Variants in LRP1B observed in about 807,000 individuals in gnomAD.
LRP1B encodes low-density lipoprotein receptor-related protein 1B.
A neutral mutation model predicts 556.6 loss-of-function variants in LRP1B; 217 were observed. The ratio of observed to expected loss-of-function variants is 0.39; its 90% CI spans 0.35 to 0.44. LRP1B has a LOEUF of 0.44. LRP1B is among the 20% of genes least tolerant of loss of function. LRP1B has a pLI of 1.00. For synonymous variants in LRP1B, 2,047 were observed against 1,865.8 expected, an observed-to-expected ratio of 1.10 and a Z score of -2.50; for missense variants, 5,053 against 5,620.8, an observed-to-expected ratio of 0.90 and a Z score of 3.23.
In LRP1B at chr2:142,055,699, T is replaced by C. The variant is rs1415073809; in HGVS notation, c.82+74949A>G. Among the ~76,000 whole-genome samples, 3 of 152,154 alleles carry C rather than the reference T, an allele frequency of 2.0e-5. No homozygotes were observed. In the East Asian group the frequency reaches 5.8e-4, roughly 29 times the overall value. ...GACCTTAGTGATATATTACTCACAA[T>C]GTCATCCACATGTCCTTGAAGCACT... is the stretch of plus-strand genomic sequence containing the variant. On this transcript the variant is annotated intron_variant, in intron 1 of 90. Coordinates refer to ENST00000389484, the MANE Select transcript of LRP1B (RefSeq NM_018557.3).
chr2:140,955,540 G>A (rs1306276137), intron 18 of LRP1B, among the ~76,000 whole-genome samples: 3 of 151,216 alleles, frequency 2.0e-5, no homozygotes, highest in East Asian at 1.9e-4. Context: ...TACAATTATA[G>A]AAAGGAAAAG....
intron 1 of LRP1B, among the ~76,000 whole-genome samples, chr2:142,110,668 C>T (rs1706955569): frequency 6.6e-6 from 1 of 152,050 alleles, no homozygotes. Context: ...TAAAGGAGTT[C>T]ATTAATTATA....
At chr2:140,921,882 C>T (rs11893327) in intron 21 of LRP1B, among the ~76,000 whole-genome samples, 1 of 150,916 alleles carries the variant, frequency 6.6e-6, no homozygotes, top group Admixed American at 6.6e-5. Context: ...CATCAGCCCC[C>T]GTGGCTTTCA....
chr2:141,929,200 G>A (rs1700419085), intron 1 of LRP1B, among the ~76,000 whole-genome samples: 1 of 152,014 alleles, frequency 6.6e-6, no homozygotes, highest in Non-Finnish European at 1.5e-5. Flanking sequence ...TCAGGTTTAA[G>A]ACTAAATTAG....
chr2:140,715,187 G>C (rs1687165745), intron 37 of LRP1B, among the ~76,000 whole-genome samples: 3 of 152,050 alleles, frequency 2.0e-5, no homozygotes, highest in Non-Finnish European at 4.4e-5. Context: ...GATCATAACA[G>C]AGGCTTTGGA....
chr2:140,379,721 T>C (rs992727442), intron 67 of LRP1B, among the ~76,000 whole-genome samples: 9 of 151,846 alleles, frequency 5.9e-5, no homozygotes, highest in African/African-American at 2.2e-4. Flanking sequence ...AAAGAAACCC[T>C]TCAGAACATT....
intron 41 of LRP1B, among the ~76,000 whole-genome samples, chr2:140,606,072 G>T (rs550726243): frequency 5.9e-5 from 9 of 151,932 alleles, no homozygotes; most frequent in Admixed American, 2.6e-4. Flanking sequence ...ATGGTATCCA[G>T]ATTGGAAAGA....
chr2:141,393,561 C>T (rs527800512), intron 3 of LRP1B, among the ~76,000 whole-genome samples: 3 of 152,158 alleles, frequency 2.0e-5, no homozygotes, highest in Non-Finnish European at 2.9e-5. Context: ...ATCAAGCATT[C>T]GTCTTCATCC....
intron 3 of LRP1B, among the ~76,000 whole-genome samples, chr2:141,269,893 C>A (rs541556761): frequency 2.0e-5 from 3 of 151,840 alleles, no homozygotes; most frequent in Middle Eastern, 3.4e-3. Context: ...TGAAAACATG[C>A]TTAAATAAGT....
intron 7 of LRP1B, among the ~76,000 whole-genome samples, chr2:141,142,737 G>T (rs1701685138): frequency 6.6e-6 from 1 of 151,800 alleles, no homozygotes; most frequent in African/African-American, 2.4e-5. Context: ...ATCATAATAG[G>T]AATGTGCTCA....
rs16856002 is a variant in LRP1B, at chr2:140,321,342, A to G, written c.12640+621T>C. Among the ~76,000 whole-genome samples the G allele has an allele frequency of 7.9e-5, 12 of 151,830 alleles. No homozygotes were observed. The East Asian group carries it at 2.3e-3, about 29-fold the overall frequency. On this transcript the variant is annotated intron_variant, in intron 82 of 90. Coordinates refer to ENST00000389484, the MANE Select transcript of LRP1B (RefSeq NM_018557.3). ...CTGAAATACAAACTGCATGAATGAA[A>G]AAAATCTTATCCATTTTGTTTCTGT...
At chr2:141,987,549 G>GTTTTTT (rs5834887) in intron 1 of LRP1B, among the ~76,000 whole-genome samples, 3 of 139,976 alleles carry the variant, frequency 2.1e-5, no homozygotes, top group East Asian at 2.1e-4. Flanking sequence ...GATTTAAGCT[G>GTTTTTT]TTTTTTTTTT....
chr2:140,921,823 G>T (rs1694743793), intron 21 of LRP1B, among the ~76,000 whole-genome samples: 1 of 151,872 alleles, frequency 6.6e-6, no homozygotes, highest in African/African-American at 2.4e-5. Flanking sequence ...GTAACCAAGA[G>T]GCATGTTTAA....
At chr2:141,051,310 A>C (rs185415768) in intron 10 of LRP1B, among the ~76,000 whole-genome samples, 44 of 152,240 alleles carry the variant, frequency 2.9e-4, no homozygotes, top group Non-Finnish European at 1.0e-4. Flanking sequence ...TCATTCTACT[A>C]TAAAGATACA....
chr2:141,840,919 C>T (rs749890134), intron 1 of LRP1B, among the ~76,000 whole-genome samples: 18 of 127,164 alleles, frequency 1.4e-4, no homozygotes, highest in African/African-American at 5.0e-4. Flanking sequence ...AATGCTAATT[C>T]CATGCATCTA....
At chr2:140,842,031 A>T (rs1054912621) in intron 29 of LRP1B, among the ~76,000 whole-genome samples, 1 of 152,214 alleles carries the variant, frequency 6.6e-6, no homozygotes, top group Non-Finnish European at 1.5e-5. Flanking sequence ...GACACCTGGA[A>T]ACTGTTAAAA....
chr2:141,714,504 GT>G (rs1692498613), intron 2 of LRP1B, among the ~76,000 whole-genome samples: 1 of 138,656 alleles, frequency 7.2e-6, no homozygotes, highest in Non-Finnish European at 1.5e-5. Flanking sequence ...GGTTTTGGAA[GT>G]TCATATTAAA....
At chr2:142,092,545 G>A (rs1373946290) in intron 1 of LRP1B, among the ~76,000 whole-genome samples, 1 of 152,124 alleles carries the variant, frequency 6.6e-6, no homozygotes, top group South Asian at 2.1e-4. Flanking sequence ...TGCTTTCTAG[G>A]TACAGCAGTG....
intron 2 of LRP1B, among the ~76,000 whole-genome samples, chr2:141,595,575 C>A (rs1038885594): frequency 1.8e-4 from 27 of 152,018 alleles, no homozygotes; most frequent in African/African-American, 6.5e-4. Flanking sequence ...TTTTGTTACT[C>A]ATACGCTATC....
Sources: allele counts gnomAD v4.1 joint callset (sites outside exome capture counted in the v4.1 genomes callset), GRCh38; gene constraint gnomAD v4.1.1; transcripts MANE v1.5; gene names NCBI Gene and HGNC (gene_info 2026-07-23, HGNC 2026-07-21).